Variants in PHF21B observed in about 807,000 individuals in gnomAD.
The protein encoded by PHF21B is PHD finger protein 21B, also known as PHD finger protein 4.
PHF21B carries 22 observed loss-of-function variants against 62.2 expected under a neutral mutation model. The ratio of observed to expected loss-of-function variants is 0.35; its 90% CI spans 0.25 to 0.51. The LOEUF is 0.51. Ranked by LOEUF, PHF21B falls within the 20% of genes least tolerant of loss-of-function variation. The pLI, the probability that PHF21B is intolerant of heterozygous loss-of-function variation, is 0.97. For synonymous variants in PHF21B, 341 were observed against 314.7 expected (o/e 1.08, Z -0.88); for missense variants, 701 against 707.9 (o/e 0.99, Z 0.11).
In PHF21B at chr22:44,883,058, C is replaced by T. The variant is rs192698929; in HGVS notation, c.*28G>A. ...TGTAAGCAGGGTCCCAATAACTTTCCGTGGGTATGAAGACTGGTCCCTCGG... is the reference window on the plus strand; with the variant it reads ...TGTAAGCAGGGTCCCAATAACTTTCTGTGGGTATGAAGACTGGTCCCTCGG... On this transcript the variant is annotated 3_prime_UTR_variant, in exon 13 of 13. Transcript: ENST00000313237. 6.0e-5 allele frequency: 95 copies of T among 1,580,914 alleles called. No homozygotes were observed. In the African/African-American group the frequency reaches 1.1e-3, roughly 18 times the overall value.
At chr22:44,920,648 G>C (rs1166781633) in intron 2 of PHF21B, among the ~76,000 whole-genome samples, 158 bp from the exon 3 acceptor site, 1 of 152,170 alleles carries the variant, frequency 6.6e-6, no homozygotes, top group African/African-American at 2.4e-5. Flanking sequence ...AATAGTAATC[G>C]ATATTCCTTC....
intron 2 of PHF21B, among the ~76,000 whole-genome samples, chr22:44,974,769 C>T (rs1274310494): frequency 3.3e-5 from 5 of 152,114 alleles, no homozygotes; most frequent in Admixed American, 2.0e-4. Flanking sequence ...GAGCGCTGAG[C>T]GTGAATATGA....
intron 2 of PHF21B, among the ~76,000 whole-genome samples, chr22:44,933,947 C>A (rs2071794191): frequency 2.6e-5 from 4 of 152,238 alleles, no homozygotes; most frequent in African/African-American, 9.6e-5. Flanking sequence ...TGTCTATTTA[C>A]TGAGATCCTG....
chr22:44,959,037 T>C (rs2072363753), intron 2 of PHF21B, among the ~76,000 whole-genome samples: 1 of 152,062 alleles, frequency 6.6e-6, no homozygotes, highest in Non-Finnish European at 1.5e-5. Flanking sequence ...ATTCAGATGG[T>C]ATACTGCCTG....
chr22:44,899,479 C>T (rs757257624), intron 5 of PHF21B, among the ~76,000 whole-genome samples: 1 of 151,800 alleles, frequency 6.6e-6, no homozygotes, highest in Admixed American at 6.6e-5. Flanking sequence ...CTAGTAGAGA[C>T]GGGGTTTCAC....
intron 2 of PHF21B, chr22:44,966,958 T>C (rs2072539315): frequency 6.6e-6 from 1 of 152,174 alleles, no homozygotes; most frequent in Admixed American, 6.5e-5. Flanking sequence ...CCAGAGCCCA[T>C]TGGCCAAGTC....
At chr22:44,939,557 G>A (rs1465172080) in intron 2 of PHF21B, among the ~76,000 whole-genome samples, 1 of 152,234 alleles carries the variant, frequency 6.6e-6, no homozygotes, top group Non-Finnish European at 1.5e-5. Flanking sequence ...CCAGGAAAGG[G>A]TGAAGGAGAT....
chr22:44,917,646 A>C (rs906999948), intron 3 of PHF21B, among the ~76,000 whole-genome samples: 11 of 152,154 alleles, frequency 7.2e-5, no homozygotes, highest in African/African-American at 2.7e-4. Context: ...TGCATAATGG[A>C]GCCTCACCGG....
chr22:44,884,294 C>T (rs1265604410), intron 12 of PHF21B, among the ~76,000 whole-genome samples: 2 of 97,298 alleles, frequency 2.1e-5, no homozygotes. Flanking sequence ...TCACCATTAT[C>T]ACCACCACCA....
Position 44,888,064 on chromosome 22 carries a change from G to A in PHF21B, c.1096C>T (p.Pro366Ser). Reference sequence around the variant, plus strand: ...TAGGCCCCCGGGCAGGTGCCGCAGGGCTGCAGGTTGGCCCCTCGCTTGCAG... The same window carrying A: ...TAGGCCCCCGGGCAGGTGCCGCAGGACTGCAGGTTGGCCCCTCGCTTGCAG... ...AACKRGANLQ[P>S]CGTCPGAYHL... The change falls in exon 10 of 13, where the codon CCC becomes TCC. Residue 366 changes from proline (P) to serine (S), a missense_variant. Pro to Ser is a moderately conservative substitution (Grantham distance 74). Transcript: ENST00000313237. The A allele has an allele frequency of 6.5e-7, 1 of 1,549,998 alleles. No homozygotes were observed. Among genetic ancestry groups the A allele is most frequent in the Non-Finnish European group, 8.7e-7 (1 of 1,147,404 alleles).
chr22:44,986,862 G>T (rs1260688377), intron 2 of PHF21B, among the ~76,000 whole-genome samples: 16 of 151,432 alleles, frequency 1.1e-4, no homozygotes, highest in Admixed American at 9.2e-4. Flanking sequence ...TCCTGGAGGT[G>T]GGGGGAAGGC....
chr22:44,906,496 G>A (rs553061156), intron 5 of PHF21B, among the ~76,000 whole-genome samples: 6 of 152,184 alleles, frequency 3.9e-5, no homozygotes, highest in Non-Finnish European at 8.8e-5. Context: ...TGCTCCGACT[G>A]CCCTTTGCAG....
At chr22:44,951,332 T>C (rs549825200) in intron 2 of PHF21B, among the ~76,000 whole-genome samples, 3 of 152,270 alleles carry the variant, frequency 2.0e-5, no homozygotes, top group Non-Finnish European at 4.4e-5. Context: ...CGTGTTCCTA[T>C]GAAAATCGAA....
At position 44,913,721 on chromosome 22, in the gene PHF21B, G is replaced by A. The variant is rs564785126; in HGVS notation, c.831+101C>T. The A allele has an allele frequency of 1.5e-4, 214 of 1,437,186 alleles. 1 individual carries two copies. The South Asian group carries it at 1.6e-3, about 10-fold the overall frequency. 89.0% of individuals were successfully genotyped at this position (1,437,186 alleles called of 1,614,324 possible). The stretch of plus-strand genomic sequence containing the variant: ...AGGGCAGCTGTGCCCACGGCTTGTC[G>A]GGACCACCCCACAGTGAGGCCATCC... On this transcript the variant is annotated intron_variant, in intron 5 of 12. Transcript: ENST00000313237.
At chr22:44,901,717 T>C in intron 5 of PHF21B, 1 of 405,796 alleles carries the variant, frequency 2.5e-6, no homozygotes, top group South Asian at 4.5e-5. Flanking sequence ...GAAGCTGAAA[T>C]CCCATCCTTG....
chr22:44,969,515 A>C (rs1402107251), intron 2 of PHF21B, among the ~76,000 whole-genome samples: 1 of 152,040 alleles, frequency 6.6e-6, no homozygotes, highest in East Asian at 1.9e-4. Context: ...AAAATACAAA[A>C]ATTAGCCAGG....
rs150844420 is a variant in PHF21B at position 44,916,550 on chromosome 22, G to C, written c.294C>G (p.Phe98Leu). ...TGACGCTGACCACGGTGGCCTTCTG[G>C]AATGTTGGGGGCTGCTTGGGTGGCC... ...RDRPPKQPPT[F>L]QKATVVSVKN... is the part of the protein sequence containing the mutation. The change falls in exon 4 of 13, where the codon TTC becomes TTG. Residue 98 changes from phenylalanine to leucine, a missense_variant. Physicochemically the swap from Phe to Leu is conservative, Grantham distance 22. Transcript: ENST00000313237. The C allele has an allele frequency of 1.8e-4, 293 of 1,609,142 alleles. No homozygotes were observed. In the African/African-American group the frequency reaches 3.6e-3, roughly 20 times the overall value.
At chr22:44,936,970 T>C (rs1025326700) in intron 2 of PHF21B, among the ~76,000 whole-genome samples, 2 of 151,320 alleles carry the variant, frequency 1.3e-5, no homozygotes, top group African/African-American at 4.9e-5. Flanking sequence ...CCTCCCGGGA[T>C]TGTCCTGCCT....
intron 2 of PHF21B, among the ~76,000 whole-genome samples, chr22:44,948,010 C>CCTCCTCCCCGCTGTTGTCT (rs1197447253): frequency 6.6e-6 from 1 of 152,132 alleles, no homozygotes; most frequent in African/African-American, 2.4e-5. Flanking sequence ...CGCTGTTGTC[C>CCTCCTCCCCGCTGTTGTCT]CTCCTCCCCA....
Sources: allele counts gnomAD v4.1 joint callset (sites outside exome capture counted in the v4.1 genomes callset), GRCh38; gene constraint gnomAD v4.1.1; transcripts MANE v1.5; gene names NCBI Gene and HGNC (gene_info 2026-07-23, HGNC 2026-07-21).